TBC1D14: variants seen among roughly 807,000 people sequenced by gnomAD.
TBC1D14 encodes TBC1 domain family member 14.
A neutral mutation model predicts 79.0 loss-of-function variants in TBC1D14; 26 were observed. That is an observed-to-expected ratio of 0.33 (90% CI 0.24 to 0.46). The LOEUF is 0.46. Ranked by LOEUF, TBC1D14 falls within the 20% of genes least tolerant of loss-of-function variation. The probability of loss-of-function intolerance (pLI) is 1.00; values close to 1 mark genes in which losing one functional copy is unlikely to be tolerated. For missense variants in TBC1D14, 769 were observed against 887.6 expected (o/e 0.87, Z 1.70); for synonymous variants, 394 against 349.9 (o/e 1.13, Z -1.40).
At chr4:6,978,677 C>T (rs1484134750) in intron 3 of TBC1D14, among the ~76,000 whole-genome samples, 2 of 147,806 alleles carry the variant, frequency 1.4e-5, no homozygotes, top group East Asian at 1.9e-4. Context: ...ACCTTCCCTC[C>T]ACTATTGTCC....
chr4:6,932,257 G>A (rs1432916579), intron 2 of TBC1D14, among the ~76,000 whole-genome samples: 2 of 152,030 alleles, frequency 1.3e-5, no homozygotes, highest in East Asian at 3.9e-4. Context: ...CTACTCGAGA[G>A]GCTGAGGCAG....
At chr4:6,913,604 T>C (rs1723168877) in intron 1 of TBC1D14, among the ~76,000 whole-genome samples, 1 of 152,230 alleles carries the variant, frequency 6.6e-6, no homozygotes, top group Non-Finnish European at 1.5e-5. Context: ...TTGTGATTAT[T>C]AGAGCATGTG....
chr4:6,915,695 G>A (rs1723344635), intron 1 of TBC1D14, among the ~76,000 whole-genome samples: 1 of 152,074 alleles, frequency 6.6e-6, no homozygotes, highest in African/African-American at 2.4e-5. Flanking sequence ...GCCATCCTGC[G>A]GTGCTGCTGT....
At chr4:6,980,806 A>C (rs895931987) in intron 3 of TBC1D14, among the ~76,000 whole-genome samples, 36 of 142,636 alleles carry the variant, frequency 2.5e-4, no homozygotes, top group Non-Finnish European at 2.6e-4. Context: ...ACCTCTGCCT[A>C]CCGGGTGCAT....
intron 12 of TBC1D14, among the ~76,000 whole-genome samples, chr4:7,023,007 G>A (rs1577189212): frequency 6.6e-6 from 1 of 152,278 alleles, no homozygotes; most frequent in East Asian, 1.9e-4. Context: ...TGTAATCCCA[G>A]CACTTTGGTA....
intron 5 of TBC1D14, among the ~76,000 whole-genome samples, chr4:6,998,215 C>G (rs1424763604): frequency 2.0e-5 from 3 of 152,050 alleles, no homozygotes; most frequent in Non-Finnish European, 2.9e-5. Context: ...CAAAAATTAG[C>G]TGGGCCTGGT....
intron 2 of TBC1D14, among the ~76,000 whole-genome samples, chr4:6,953,629 C>CAAAAAAAA (rs750667631): frequency 2.7e-4 from 15 of 55,022 alleles, no homozygotes; most frequent in South Asian, 1.3e-3. Flanking sequence ...GACTCCGTCT[C>CAAAAAAAA]AAAAAAAAAA....
chr4:6,910,782 A>G (rs541145302), intron 1 of TBC1D14, among the ~76,000 whole-genome samples: 2 of 152,086 alleles, frequency 1.3e-5, no homozygotes, highest in Non-Finnish European at 2.9e-5. Flanking sequence ...TTTCTGTCCT[A>G]AAGTTGCATA....
intron 1 of TBC1D14, among the ~76,000 whole-genome samples, chr4:6,922,730 C>T (rs1723962197): frequency 6.6e-6 from 1 of 152,180 alleles, no homozygotes; most frequent in Admixed American, 6.5e-5. Context: ...CATTTCACCA[C>T]TCCCCCAAAA....
chr4:7,005,998 A>G (rs1190647030), intron 8 of TBC1D14, among the ~76,000 whole-genome samples: 2 of 152,238 alleles, frequency 1.3e-5, no homozygotes, highest in Non-Finnish European at 2.9e-5. Flanking sequence ...TTGTGGTATT[A>G]GAATTCTAAA....
intron 4 of TBC1D14, 122 bp from the exon 5 acceptor site, chr4:6,996,202 CT>C (rs1273476149): frequency 4.1e-6 from 3 of 735,690 alleles, no homozygotes; most frequent in Non-Finnish European, 6.9e-6. Context: ...ACTGTGTAAT[CT>C]TAAAAAAATG....
intron 2 of TBC1D14, among the ~76,000 whole-genome samples, chr4:6,929,930 G>C (rs1711575305): frequency 6.6e-6 from 1 of 152,236 alleles, no homozygotes; most frequent in African/African-American, 2.4e-5. Context: ...ACAGACTGCA[G>C]AGCTGCGATT....
At chr4:6,935,895 C>T (rs1407622685) in intron 2 of TBC1D14, among the ~76,000 whole-genome samples, 3 of 152,176 alleles carry the variant, frequency 2.0e-5, no homozygotes, top group East Asian at 3.8e-4. Context: ...TCACCCACCT[C>T]GGCCTCCCAA....
At chr4:6,973,576 A>G (rs1716445667) in intron 3 of TBC1D14, among the ~76,000 whole-genome samples, 1 of 152,198 alleles carries the variant, frequency 6.6e-6, no homozygotes, top group Non-Finnish European at 1.5e-5. Context: ...GATTCTGGAA[A>G]GTAAACAGTG....
Position 6,999,191 on chromosome 4 carries a change from C to A in TBC1D14, c.1152C>A (p.Asn384Lys), listed in dbSNP as rs989051988. ...CCTGGAATAATGAGATCTTACCTAA[C>A]TGGGAAACAATGTAAGATGTGGCTC... ...VLTWNNEILP[N>K]WETMWCSRKV... The change falls in exon 6 of 14, where the codon AAC becomes AAA. Residue 384 changes from asparagine to lysine, a missense_variant. By Grantham distance (94) the Asn-to-Lys change is moderately conservative. Around this residue, in one of 2 missense-constraint regions of TBC1D14, gnomAD observed 367 missense variants for 494.4 expected, o/e 0.74. Transcript: ENST00000409757. 2 of 1,613,504 alleles carry A rather than the reference C, an allele frequency of 1.2e-6. No individual in the cohort carries two copies. Among genetic ancestry groups the A allele is most frequent in the Admixed American group, 3.3e-5 (2 of 60,020 alleles).
intron 12 of TBC1D14, among the ~76,000 whole-genome samples, chr4:7,022,416 G>A (rs903608909): frequency 1.3e-5 from 2 of 152,248 alleles, no homozygotes; most frequent in Admixed American, 6.5e-5. Context: ...TGTAAAGGAA[G>A]GTGAAGAATG....
At chr4:6,987,538 C>T (rs1001558546) in intron 3 of TBC1D14, 3 of 453,312 alleles carry the variant, frequency 6.6e-6, no homozygotes, top group African/African-American at 4.0e-5. Flanking sequence ...GCTTGCTGTG[C>T]ATGCTGCTGA....
At chr4:6,939,386 C>T (rs1044112845) in intron 2 of TBC1D14, among the ~76,000 whole-genome samples, 2 of 151,036 alleles carry the variant, frequency 1.3e-5, no homozygotes, top group South Asian at 2.1e-4. Context: ...GGCTGGGGCA[C>T]CTCTCATGCG....
chr4:6,981,041 TA>T (rs34300737), intron 3 of TBC1D14, among the ~76,000 whole-genome samples: 30 of 147,128 alleles, frequency 2.0e-4, no homozygotes, highest in Middle Eastern at 3.6e-3. Flanking sequence ...TTTTTTTTTT[TA>T]AAGACTGAGT....
Sources: gnomAD v4.1 joint callset for allele counts (sites outside exome capture counted in the v4.1 genomes callset) on GRCh38, gnomAD v4.1.1 for gene constraint, gnomAD v4.1.1 regional missense constraint, MANE v1.5 for transcripts, NCBI Gene and HGNC (gene_info 2026-07-23, HGNC 2026-07-21) for gene names.